Variants in DNAH6 observed in about 807,000 individuals in gnomAD.
DNAH6 encodes dynein axonemal heavy chain 6, also known as axonemal beta dynein heavy chain 6.
In DNAH6, 340 loss-of-function variants were observed where a neutral mutation model predicts 491.4. The ratio of observed to expected loss-of-function variants is 0.69; its 90% CI spans 0.63 to 0.76. DNAH6 has a LOEUF of 0.76. Ranked by LOEUF, DNAH6 falls within the 30% of genes least tolerant of loss-of-function variation. The pLI is 0.00. For missense variants in DNAH6, 4,443 were observed against 4,972.2 expected (o/e 0.89, Z 3.20); for synonymous variants, 1,603 against 1,686.1 (o/e 0.95, Z 1.21).
intron 70 of DNAH6, among the ~76,000 whole-genome samples, chr2:84,803,748 A>G (rs1355428226): frequency 6.6e-6 from 1 of 152,190 alleles, no homozygotes; most frequent in East Asian, 1.9e-4. Flanking sequence ...GAAGACATAG[A>G]AAGGCTTTAT....
chr2:84,590,985 C>G (rs1684061811), intron 16 of DNAH6, among the ~76,000 whole-genome samples: 1 of 152,178 alleles, frequency 6.6e-6, no homozygotes, highest in South Asian at 2.1e-4. Context: ...TTTGCACTCA[C>G]TAGCCATTAA....
rs1447597089 is a variant in DNAH6 at position 84,552,930 on chromosome 2, G to T, written c.1498G>T (p.Val500Leu). 1 of 1,608,896 alleles carries T rather than the reference G, an allele frequency of 6.2e-7. No individual in the cohort carries two copies. The highest frequency in any genetic ancestry group is 1.7e-5 in the Admixed American group (1 of 59,598). Residue 500 changes from valine to leucine, a missense_variant, in exon 10 of 77, where the codon GTG (valine) becomes TTG (leucine). Val to Leu is a conservative substitution (Grantham distance 32). Transcript: ENST00000389394. ...EVPDKKGTLM[V>L]EKQEEDESLI... The stretch of plus-strand genomic sequence containing the variant: ...ATATTCATTTCAGGGGACCCTTATG[G>T]TGGAAAAGCAAGAAGAAGATGAATC...
At chr2:84,805,143 A>C (rs1679294807) in intron 70 of DNAH6, among the ~76,000 whole-genome samples, 1 of 152,216 alleles carries the variant, frequency 6.6e-6, no homozygotes, top group Non-Finnish European at 1.5e-5. Context: ...CATTAAGTAC[A>C]TTTACATTGT....
intron 2 of DNAH6, among the ~76,000 whole-genome samples, chr2:84,522,246 G>C (rs566778093): frequency 6.6e-6 from 1 of 152,108 alleles, no homozygotes; most frequent in East Asian, 1.9e-4. Flanking sequence ...ATTGTGAATC[G>C]GATTGGGTTT....
chr2:84,752,213 A>C (rs1673536232), intron 63 of DNAH6, among the ~76,000 whole-genome samples: 1 of 152,222 alleles, frequency 6.6e-6, no homozygotes, highest in South Asian at 2.1e-4. Flanking sequence ...ACCCAGATGT[A>C]TGAATGCAGT....
intron 3 of DNAH6, among the ~76,000 whole-genome samples, chr2:84,527,525 C>G (rs1193533096): frequency 6.6e-6 from 1 of 152,148 alleles, no homozygotes; most frequent in Non-Finnish European, 1.5e-5. Flanking sequence ...AAAACAGTAA[C>G]ACTTTAGTCT....
intron 21 of DNAH6, 94 bp from the exon 22 acceptor site, chr2:84,611,580 A>C: frequency 1.8e-6 from 2 of 1,096,992 alleles, no homozygotes; most frequent in South Asian, 1.6e-5. Flanking sequence ...TCAAGGAAAA[A>C]GATACAGTGA....
intron 2 of DNAH6, among the ~76,000 whole-genome samples, chr2:84,521,555 C>T (rs949402854): frequency 1.3e-5 from 2 of 151,880 alleles, no homozygotes; most frequent in African/African-American, 4.8e-5. Flanking sequence ...CCAATTCCTA[C>T]GTTCAGAATG....
intron 76 of DNAH6, among the ~76,000 whole-genome samples, chr2:84,818,152 T>C (rs1219828646): frequency 2.6e-5 from 4 of 152,116 alleles, no homozygotes; most frequent in African/African-American, 9.7e-5. Context: ...TTTTCAGCTA[T>C]TTAAAAGAGG....
chr2:84,491,060 A>T, the DNAH6 span, among the ~76,000 whole-genome samples: 28 of 152,340 alleles, frequency 1.8e-4, no homozygotes, highest in African/African-American at 6.7e-4. Context: ...ATTAAAAATA[A>T]GGTAGCTATA....
intron 46 of DNAH6, 110 bp downstream of exon 46, chr2:84,694,590 G>A (rs1472314114): frequency 2.8e-6 from 2 of 717,442 alleles, no homozygotes; most frequent in Non-Finnish European, 4.6e-6. Flanking sequence ...TGTTCCCTTT[G>A]ATAACAGATT....
chr2:84,694,385 T>A lies in DNAH6; in HGVS notation c.7429T>A (p.Tyr2477Asn), dbSNP rs1247051183. 1 of 1,552,376 alleles carries A rather than the reference T, an allele frequency of 6.4e-7. No homozygotes were observed. The highest frequency in any genetic ancestry group is 2.4e-5 in the East Asian group (1 of 40,926). ...KCLQIELSRG[Y>N]NYDSFHEDLR... ...TTTGCAGATTGAACTCAGCCGGGGA[T>A]ATAATTATGATAGTTTTCATGAAGA... Residue 2477 changes from tyrosine to asparagine, a missense_variant, in exon 46 of 77, where the codon TAT (tyrosine) becomes AAT (asparagine). Transcript: ENST00000389394.
intron 48 of DNAH6, among the ~76,000 whole-genome samples, chr2:84,700,666 A>T (rs1695816021): frequency 6.6e-6 from 1 of 152,238 alleles, no homozygotes; most frequent in Admixed American, 6.5e-5. Flanking sequence ...CCAATGTTCA[A>T]GTGAGTTCAA....
intron 22 of DNAH6, among the ~76,000 whole-genome samples, chr2:84,615,507 G>C (rs1397169622): frequency 1.3e-5 from 2 of 151,918 alleles, no homozygotes; most frequent in Non-Finnish European, 2.9e-5. Context: ...GTCATGCTTT[G>C]GCTATGTGGG....
chr2:84,634,512 G>T lies in DNAH6; in HGVS notation c.4524G>T (p.Gly1508=), dbSNP rs1299425650. 6.5e-7 allele frequency: 1 copy of T among 1,539,918 alleles called. No homozygotes were observed. Residue 1508 remains glycine, a synonymous_variant, in exon 30 of 77, where the codon GGG becomes GGT. Transcript: ENST00000389394. The stretch of plus-strand genomic sequence containing the variant: ...CTTTATTTTGATTTCAGATGATGGG[G>T]CGCTTCTTCAGTGGCTTGGCACAGT... ...CSDGLDYKMM[G]RFFSGLAQSG...
chr2:84,540,678 A>C (rs1011581819), intron 4 of DNAH6, among the ~76,000 whole-genome samples: 7 of 152,196 alleles, frequency 4.6e-5, no homozygotes, highest in African/African-American at 7.2e-5. Flanking sequence ...AAATTCTCTC[A>C]GTTCATGTGG....
At chr2:84,765,751 T>C (rs1169476476) in intron 64 of DNAH6, among the ~76,000 whole-genome samples, 1 of 152,014 alleles carries the variant, frequency 6.6e-6, no homozygotes, top group African/African-American at 2.4e-5. Context: ...TATAAATATC[T>C]CACCTAAGAA....
At chr2:84,570,841 A>G (rs1043994133) in intron 11 of DNAH6, among the ~76,000 whole-genome samples, 1 of 151,942 alleles carries the variant, frequency 6.6e-6, no homozygotes, top group Non-Finnish European at 1.5e-5. Flanking sequence ...GCTGCTGCTC[A>G]CTCTTGGGTC....
chr2:84,461,849 C>A, the DNAH6 span, among the ~76,000 whole-genome samples: 1 of 152,144 alleles, frequency 6.6e-6, no homozygotes, highest in Non-Finnish European at 1.5e-5. Flanking sequence ...ATAAGGAGGG[C>A]AGTCTAGGAG....
Sources: allele counts gnomAD v4.1 joint callset (sites outside exome capture counted in the v4.1 genomes callset), GRCh38; gene constraint gnomAD v4.1.1; transcripts MANE v1.5; gene names NCBI Gene and HGNC (gene_info 2026-07-23, HGNC 2026-07-21).